The following UBE4B variants were observed in gnomAD, a reference collection of about 807,000 sequenced individuals.
UBE4B encodes the protein ubiquitination factor E4B.
In UBE4B, 27 loss-of-function variants were observed where a neutral mutation model predicts 148.1. That is an observed-to-expected ratio of 0.18 (90% confidence interval 0.13 to 0.25). The LOEUF (loss-of-function observed/expected upper bound fraction) is 0.25, where lower values mean the gene tolerates loss of function less well. UBE4B is among the 10% of genes least tolerant of loss of function. The pLI is 1.00. For missense variants in UBE4B, 1,170 were observed against 1,662.4 expected, an observed-to-expected ratio of 0.70 and a Z score of 5.15; for synonymous variants, 596 against 619.3, an observed-to-expected ratio of 0.96 and a Z score of 0.56.
At chr1:10,087,623 A>T (rs1192879700) in intron 2 of UBE4B, among the ~76,000 whole-genome samples, 1 of 152,196 alleles carries the variant, frequency 6.6e-6, no homozygotes, top group Non-Finnish European at 1.5e-5. Context: ...TTTGGGGAAG[A>T]TTATGTCACA....
chr1:10,068,030 T>C (rs1175386335), intron 1 of UBE4B, among the ~76,000 whole-genome samples: 1 of 135,904 alleles, frequency 7.4e-6, no homozygotes, highest in African/African-American at 2.7e-5. Flanking sequence ...GCCTGGCCAG[T>C]TTTTTTTTTT....
chr1:10,164,400 A>AG (rs1461519833), intron 23 of UBE4B, among the ~76,000 whole-genome samples: 1 of 151,620 alleles, frequency 6.6e-6, no homozygotes, highest in East Asian at 1.9e-4. Context: ...CCCAGGCTGG[A>AG]GTGCAATGAC....
At chr1:10,122,184 T>G (rs1645422170) in intron 10 of UBE4B, 108 bp downstream of exon 10, 2 of 658,438 alleles carry the variant, frequency 3.0e-6, no homozygotes, top group Non-Finnish European at 5.2e-6. Context: ...ATCCATGTGT[T>G]ATTAGAGAGA....
chr1:10,062,564 T>G (rs142009872), intron 1 of UBE4B, among the ~76,000 whole-genome samples: 1 of 152,240 alleles, frequency 6.6e-6, no homozygotes, highest in Non-Finnish European at 1.5e-5. Flanking sequence ...CTGCCCACCT[T>G]GGCTCCCAAA....
At chr1:10,075,553 G>T (rs531979154) in intron 2 of UBE4B, among the ~76,000 whole-genome samples, 2 of 152,304 alleles carry the variant, frequency 1.3e-5, no homozygotes, top group African/African-American at 4.8e-5. Flanking sequence ...AAAGGCTTGG[G>T]CATTCCCTAA....
At chr1:10,045,795 C>T (rs1643902136) in intron 1 of UBE4B, among the ~76,000 whole-genome samples, 1 of 152,030 alleles carries the variant, frequency 6.6e-6, no homozygotes, top group Admixed American at 6.6e-5. Context: ...TGGTCAGATA[C>T]ATTTTGTGGG....
intron 4 of UBE4B, among the ~76,000 whole-genome samples, chr1:10,102,566 G>A (rs774833066): frequency 5.9e-5 from 9 of 151,392 alleles, no homozygotes; most frequent in South Asian, 4.2e-4. Context: ...GCCCGCAACC[G>A]CGCCTGGCTA....
intron 1 of UBE4B, among the ~76,000 whole-genome samples, chr1:10,039,793 G>A (rs1643686994): frequency 1.3e-5 from 2 of 152,126 alleles, no homozygotes; most frequent in Admixed American, 6.6e-5. Context: ...AGATTAGAAA[G>A]ATGGGTGGCA....
chr1:10,100,618 G>A (rs574348873), intron 3 of UBE4B, among the ~76,000 whole-genome samples: 2 of 152,286 alleles, frequency 1.3e-5, no homozygotes, highest in South Asian at 2.1e-4. Flanking sequence ...GCAATGGTGC[G>A]ATCTCGGCTT....
At chr1:10,121,876 C>A in intron 9 of UBE4B, 86 bp from the exon 10 acceptor site, 1 of 793,450 alleles carries the variant, frequency 1.3e-6, no homozygotes, top group Non-Finnish European at 2.0e-6. Flanking sequence ...TGACTTTTGA[C>A]TGGGCAGTTG....
intron 10 of UBE4B, 88 bp downstream of exon 10, chr1:10,122,164 G>A: frequency 2.4e-6 from 2 of 828,846 alleles, no homozygotes; most frequent in African/African-American, 1.7e-5. Flanking sequence ...ACTTTTGCCT[G>A]AATTCGAACA....
At chr1:10,091,043 C>T (rs954224544) in intron 2 of UBE4B, among the ~76,000 whole-genome samples, 6 of 152,100 alleles carry the variant, frequency 3.9e-5, no homozygotes, top group Admixed American at 2.6e-4. Context: ...TGGATACTGC[C>T]GCCTAGAAGG....
intron 19 of UBE4B, 52 bp downstream of exon 19, chr1:10,147,142 G>T: frequency 1.2e-6 from 2 of 1,609,308 alleles, no homozygotes; most frequent in South Asian, 1.1e-5. Flanking sequence ...GGGCTCTGTT[G>T]TCTTTATTGT....
At chr1:10,113,557 C>T (rs1222455825) in intron 7 of UBE4B, among the ~76,000 whole-genome samples, 2 of 152,138 alleles carry the variant, frequency 1.3e-5, no homozygotes, top group Admixed American at 6.5e-5. Context: ...TGTGAGTGCA[C>T]GGTTTGTGAA....
At chr1:10,108,445 C>T (rs911540048) in intron 7 of UBE4B, among the ~76,000 whole-genome samples, 12 of 152,274 alleles carry the variant, frequency 7.9e-5, no homozygotes, top group Admixed American at 3.9e-4. Flanking sequence ...GAGTGAAAAG[C>T]ACTACTTGGG....
intron 24 of UBE4B, among the ~76,000 whole-genome samples, chr1:10,169,157 G>C (rs1232464983): frequency 6.6e-6 from 1 of 152,160 alleles, no homozygotes; most frequent in Non-Finnish European, 1.5e-5. Flanking sequence ...GAAGATTTCT[G>C]CCCTGCTTCA....
chr1:10,101,595 G>A (rs1357869433), intron 4 of UBE4B, among the ~76,000 whole-genome samples: 1 of 128,538 alleles, frequency 7.8e-6, no homozygotes, highest in South Asian at 2.6e-4. Flanking sequence ...TGCAAGCTCC[G>A]CCTCCCAGGT....
chr1:10,098,118 G>A (rs989181157), intron 3 of UBE4B, among the ~76,000 whole-genome samples: 8 of 152,002 alleles, frequency 5.3e-5, no homozygotes, highest in East Asian at 1.9e-4. Context: ...TGATCCACCC[G>A]CCTCAGCCTC....
At chr1:10,069,369 G>A (rs558468151) in intron 1 of UBE4B, among the ~76,000 whole-genome samples, 4 of 152,102 alleles carry the variant, frequency 2.6e-5, no homozygotes, top group African/African-American at 7.2e-5. Flanking sequence ...CTGGTGCAAC[G>A]GAAGTTCTTG....
Sources: gnomAD v4.1 joint callset for allele counts (sites outside exome capture counted in the v4.1 genomes callset) on GRCh38, gnomAD v4.1.1 for gene constraint, MANE v1.5 for transcripts, NCBI Gene and HGNC (gene_info 2026-07-23, HGNC 2026-07-21) for gene names.